Variants in EPHA6 observed in about 807,000 individuals in gnomAD.
The protein encoded by EPHA6 is EPH receptor A6, also known as ephrin type-A receptor 6.
In EPHA6, 50 loss-of-function variants were observed where a neutral mutation model predicts 112.0. The ratio of observed to expected loss-of-function variants is 0.45; its 90% confidence interval spans 0.36 to 0.56. The LOEUF is 0.56. EPHA6 is among the 20% of genes least tolerant of loss of function. The pLI is 0.00. For synonymous variants in EPHA6, 529 were observed against 490.7 expected (o/e 1.08, Z -1.03); for missense variants, 1,280 against 1,417.4 (o/e 0.90, Z 1.56).
intron 13 of EPHA6, among the ~76,000 whole-genome samples, chr3:97,635,583 A>G (rs891834168): frequency 3.9e-5 from 6 of 152,116 alleles, no homozygotes; most frequent in Non-Finnish European, 8.8e-5. Context: ...TTCAAGAGAT[A>G]TCCAGAATAG....
At chr3:97,588,088 GTATATATT>G (rs2093507864) in intron 11 of EPHA6, among the ~76,000 whole-genome samples, 1 of 151,890 alleles carries the variant, frequency 6.6e-6, no homozygotes, top group African/African-American at 2.4e-5. Flanking sequence ...GTATGATATT[GTATATATT>G]TATAAAAAAA....
At chr3:97,218,885 G>A (rs988059660) in intron 3 of EPHA6, among the ~76,000 whole-genome samples, 1 of 152,078 alleles carries the variant, frequency 6.6e-6, no homozygotes, top group Admixed American at 6.6e-5. Context: ...TTAGTTTCTA[G>A]ATACAATAGG....
chr3:97,191,736 G>A (rs2077312671), intron 3 of EPHA6, among the ~76,000 whole-genome samples: 1 of 152,098 alleles, frequency 6.6e-6, no homozygotes, highest in African/African-American at 2.4e-5. Context: ...ATTAACAGAT[G>A]AACACTTAGG....
rs1323273313 is a variant in EPHA6 at position 97,753,959 on chromosome 3, A to G, written c.*5258A>G. On this transcript the variant is annotated 3_prime_UTR_variant, in exon 18 of 18. Transcript: ENST00000389672. ...TACATGTATTCTTGGAAAAAAATTAAAAGATCCAGAAAAAGATACAGGTCA... is the reference window on the plus strand; with the variant it reads ...TACATGTATTCTTGGAAAAAAATTAGAAGATCCAGAAAAAGATACAGGTCA... 6.6e-6 allele frequency among the ~76,000 whole-genome samples: 1 copy of G among 152,170 alleles called. No individual in the cohort carries two copies. The highest frequency in any genetic ancestry group is 2.4e-5 in the African/African-American group (1 of 41,444).
chr3:96,951,517 AATC>A (rs1476934654), intron 2 of EPHA6, among the ~76,000 whole-genome samples: 3 of 152,068 alleles, frequency 2.0e-5, no homozygotes, highest in Non-Finnish European at 2.9e-5. Context: ...AAACTCTATA[AATC>A]ATCATCATCA....
At chr3:97,661,748 C>T (rs1358137339) in intron 14 of EPHA6, among the ~76,000 whole-genome samples, 1 of 152,210 alleles carries the variant, frequency 6.6e-6, no homozygotes, top group East Asian at 1.9e-4. Flanking sequence ...TTCAGTGGTC[C>T]TCCTTAAGCA....
chr3:97,032,046 C>T (rs139240027), intron 3 of EPHA6, among the ~76,000 whole-genome samples: 1 of 152,042 alleles, frequency 6.6e-6, no homozygotes, highest in South Asian at 2.1e-4. Flanking sequence ...TGGAACCAAG[C>T]CAAATGTCCA....
At chr3:96,893,183 A>G (rs926304399) in intron 2 of EPHA6, among the ~76,000 whole-genome samples, 2 of 152,174 alleles carry the variant, frequency 1.3e-5, no homozygotes, top group African/African-American at 4.8e-5. Context: ...CTAGTCATAT[A>G]AAAGTATAGT....
intron 1 of EPHA6, among the ~76,000 whole-genome samples, chr3:96,830,984 TAC>T (rs201313275): frequency 0.013 from 1,915 of 151,938 alleles, 37 homozygotes; most frequent in African/African-American, 0.041. Context: ...TGTATATATA[TAC>T]ACACACACAC....
Position 97,459,708 on chromosome 3 carries a change from T to A in EPHA6, c.1894+10978T>A, listed in dbSNP as rs547144915. On this transcript the variant is annotated intron_variant, in intron 7 of 17. Transcript: ENST00000389672. The stretch of plus-strand genomic sequence containing the variant: ...TTTTACCACACTAAAAATAAAACCT[T>A]CCAAATATCTTTTTTCATTGACACT... 2.1e-4 allele frequency among the ~76,000 whole-genome samples: 32 copies of A among 152,278 alleles called. No individual in the cohort carries two copies. In the South Asian group the frequency reaches 5.6e-3, roughly 27 times the overall value.
intron 3 of EPHA6, among the ~76,000 whole-genome samples, chr3:97,170,004 C>T (rs1391105191): frequency 6.6e-6 from 1 of 151,944 alleles, no homozygotes; most frequent in African/African-American, 2.4e-5. Flanking sequence ...AGGACAAATA[C>T]CTAATGCATG....
chr3:96,927,146 G>A (rs1450753111), intron 2 of EPHA6, among the ~76,000 whole-genome samples: 1 of 152,156 alleles, frequency 6.6e-6, no homozygotes, highest in Non-Finnish European at 1.5e-5. Flanking sequence ...CAAGGCTTGG[G>A]GCTTGCACCC....
intron 4 of EPHA6, among the ~76,000 whole-genome samples, chr3:97,239,267 G>A (rs1304102095): frequency 6.6e-6 from 1 of 151,738 alleles, no homozygotes; most frequent in East Asian, 1.9e-4. Context: ...CTATAGGAAG[G>A]CAATAATCAG....
At chr3:97,162,140 G>C (rs1351402483) in intron 3 of EPHA6, among the ~76,000 whole-genome samples, 1 of 152,162 alleles carries the variant, frequency 6.6e-6, no homozygotes, top group Non-Finnish European at 1.5e-5. Flanking sequence ...TCTCTCTCCT[G>C]CACAGGTCAA....
At chr3:97,522,896 A>C (rs989086338) in intron 10 of EPHA6, among the ~76,000 whole-genome samples, 24 of 151,762 alleles carry the variant, frequency 1.6e-4, no homozygotes. Flanking sequence ...CTCCTCTTTC[A>C]TTTGTGATTT....
intron 14 of EPHA6, among the ~76,000 whole-genome samples, chr3:97,694,021 A>T (rs1460625295): frequency 6.6e-6 from 1 of 152,080 alleles, no homozygotes; most frequent in East Asian, 1.9e-4. Flanking sequence ...TGTATCCAGC[A>T]TATTGTCCCC....
At chr3:97,032,128 T>G (rs1397193113) in intron 3 of EPHA6, among the ~76,000 whole-genome samples, 1 of 152,100 alleles carries the variant, frequency 6.6e-6, no homozygotes, top group Admixed American at 6.6e-5. Flanking sequence ...TAAAAAAGGA[T>G]GAGTTCATGT....
At chr3:97,567,598 A>T (rs1349986598) in intron 11 of EPHA6, among the ~76,000 whole-genome samples, 1 of 152,154 alleles carries the variant, frequency 6.6e-6, no homozygotes, top group African/African-American at 2.4e-5. Flanking sequence ...ATCTAATATA[A>T]CTGGCGTACA....
intron 3 of EPHA6, among the ~76,000 whole-genome samples, chr3:97,169,698 A>G (rs990101977): frequency 6.6e-6 from 1 of 152,170 alleles, no homozygotes; most frequent in African/African-American, 2.4e-5. Flanking sequence ...CCATTTATGT[A>G]TTGATTCTTG....
Sources: gnomAD v4.1 joint callset for allele counts (sites outside exome capture counted in the v4.1 genomes callset) on GRCh38, gnomAD v4.1.1 for gene constraint, MANE v1.5 for transcripts, NCBI Gene and HGNC (gene_info 2026-07-23, HGNC 2026-07-21) for gene names.